The following VPS13D variants were observed in gnomAD, a reference collection of about 807,000 sequenced individuals.
VPS13D encodes vacuolar protein sorting 13 homolog D.
VPS13D carries 187 observed loss-of-function variants against 461.9 expected under a neutral mutation model. That is an observed-to-expected ratio of 0.40 (90% CI 0.36 to 0.46). The LOEUF (loss-of-function observed/expected upper bound fraction) is 0.46. Among genes scored for constraint, VPS13D ranks in the 20% least tolerant of loss-of-function variants. The pLI, the probability that VPS13D is intolerant of heterozygous loss-of-function variation, is 0.60. For missense variants in VPS13D, 4,711 were observed against 5,364.9 expected, an observed-to-expected ratio of 0.88 and a Z score of 3.81; for synonymous variants, 1,951 against 1,986.3, an observed-to-expected ratio of 0.98 and a Z score of 0.47.
intron 64 of VPS13D, 118 bp downstream of exon 64, chr1:12,415,339 T>G (rs1644780246): frequency 2.3e-5 from 31 of 1,363,074 alleles, no homozygotes; most frequent in African/African-American, 2.9e-5. Flanking sequence ...ATTTCAACTC[T>G]GTTGTGTTAC....
rs1643348432 is a variant in VPS13D, at chr1:12,332,123, A to G, written c.8288-1103A>G. 1.3e-5 allele frequency among the ~76,000 whole-genome samples: 2 copies of G among 152,200 alleles called. 1 individual carries two copies. The highest frequency in any genetic ancestry group is 4.1e-4 in the South Asian group (2 of 4,830). ...ATTAGAACTATACATTACTACCACT[A>G]CTGTGTAAAACAATTTGGCATGACC... On this transcript the variant is annotated intron_variant, in intron 37 of 69. Coordinates refer to ENST00000620676, the MANE Select transcript of VPS13D (RefSeq NM_015378.4).
intron 67 of VPS13D, among the ~76,000 whole-genome samples, chr1:12,464,215 C>T (rs779191538): frequency 2.2e-4 from 33 of 152,282 alleles, no homozygotes; most frequent in Admixed American, 1.3e-4. Context: ...TTTTTCCCCA[C>T]TGTTTAGACA....
chr1:12,492,052 A>G (rs1645889890), intron 67 of VPS13D, among the ~76,000 whole-genome samples: 1 of 152,076 alleles, frequency 6.6e-6, no homozygotes, highest in African/African-American at 2.4e-5. Context: ...GATTTTGGCC[A>G]CCTCTTGTTC....
intron 65 of VPS13D, among the ~76,000 whole-genome samples, chr1:12,421,471 T>G: frequency 6.6e-6 from 1 of 152,218 alleles, no homozygotes. Context: ...TGCAAGACAC[T>G]CTAACATCTT....
intron 67 of VPS13D, among the ~76,000 whole-genome samples, chr1:12,491,342 C>T (rs1161183862): frequency 6.6e-6 from 1 of 152,162 alleles, no homozygotes; most frequent in Non-Finnish European, 1.5e-5. Flanking sequence ...TTGGCCATGA[C>T]AGACTTCTCA....
At chr1:12,292,304 G>A (rs1642156019) in intron 23 of VPS13D, among the ~76,000 whole-genome samples, 2 of 145,184 alleles carry the variant, frequency 1.4e-5, no homozygotes, top group Admixed American at 7.0e-5. Flanking sequence ...TCAGAAAATA[G>A]GGAGTATAAA....
chr1:12,323,967 G>A (rs1643112492), intron 35 of VPS13D, among the ~76,000 whole-genome samples, 187 bp downstream of exon 35: 1 of 152,106 alleles, frequency 6.6e-6, no homozygotes, highest in African/African-American at 2.4e-5. Context: ...GGAGTGCAGT[G>A]GCGCCACCTC....
At chr1:12,315,615 C>A (rs551564551) in intron 30 of VPS13D, among the ~76,000 whole-genome samples, 5 of 152,094 alleles carry the variant, frequency 3.3e-5, no homozygotes, top group Non-Finnish European at 4.4e-5. Flanking sequence ...TCACACAGCT[C>A]GTAGGTCAAG....
At chr1:12,372,792 T>C (rs946336796) in intron 54 of VPS13D, among the ~76,000 whole-genome samples, 3 of 149,892 alleles carry the variant, frequency 2.0e-5, no homozygotes, top group Non-Finnish European at 3.0e-5. Context: ...GCTGAATTAA[T>C]CCATTACCTT....
At chr1:12,295,972 A>G (rs1642264459) in intron 24 of VPS13D, among the ~76,000 whole-genome samples, 1 of 152,164 alleles carries the variant, frequency 6.6e-6, no homozygotes, top group Non-Finnish European at 1.5e-5. Flanking sequence ...ATGTTCCTTG[A>G]CTTGCTTTTC....
intron 67 of VPS13D, among the ~76,000 whole-genome samples, chr1:12,467,085 C>T (rs1266131167): frequency 1.3e-5 from 2 of 152,198 alleles, no homozygotes; most frequent in Admixed American, 1.3e-4. Flanking sequence ...GTGAGCAACC[C>T]CAGAAGAACA....
chr1:12,329,654 C>T, intron 36 of VPS13D, among the ~76,000 whole-genome samples, 175 bp from the exon 37 acceptor site: 1 of 152,206 alleles, frequency 6.6e-6, no homozygotes, highest in East Asian at 1.9e-4. Flanking sequence ...TAAATAATAT[C>T]TCAGTGCCAT....
chr1:12,382,844 G>T, intron 57 of VPS13D, 132 bp from the exon 58 acceptor site: 3 of 738,538 alleles, frequency 4.1e-6, no homozygotes, highest in Non-Finnish European at 6.6e-6. Flanking sequence ...AATAGTAAAG[G>T]CTTTGTTGCA....
rs371819350 is a variant in VPS13D, at chr1:12,483,570, ATC to A, written c.12663-13928_12663-13927del. ...CAGTTTGTCATCCATGTAAGTACAT[ATC>A]TTTCTTCCAGATATTAACAAAGTTT... is the stretch of plus-strand genomic sequence containing the variant. On this transcript the variant is annotated intron_variant, in intron 67 of 69. Transcript: ENST00000620676. Among the ~76,000 whole-genome samples, 241 of 152,238 alleles carry A rather than the reference ATC, an allele frequency of 1.6e-3. 4 individuals are homozygous for A. The highest frequency in any genetic ancestry group is 5.6e-3 in the African/African-American group (234 of 41,534).
rs377449730 is a variant in VPS13D, at chr1:12,276,684, G to A, written c.3096G>A (p.Thr1032=). The A allele has an allele frequency of 1.9e-5, 31 of 1,613,988 alleles. No individual in the cohort carries two copies. The highest frequency in any genetic ancestry group is 5.5e-5 in the South Asian group (5 of 91,090). The change falls in exon 19 of 70, where the codon ACG becomes ACA. Residue 1032 remains threonine, a synonymous_variant. Coordinates refer to ENST00000620676, the MANE Select transcript of VPS13D (RefSeq NM_015378.4). The surrounding 1 kb of genome is among the most constrained non-coding windows in gnomAD (Gnocchi z 4.5). ...SHKNLSFDIP[T]GSLRDSRAQS... is the part of the protein sequence containing the mutation. ...AGAACTTGAGCTTTGATATTCCAAC[G>A]GGAAGCCTTCGGGATAGCAGGGCCC...
chr1:12,286,047 C>CTTCCT (rs576395750), intron 21 of VPS13D, among the ~76,000 whole-genome samples: 1,701 of 144,814 alleles, frequency 0.012, 20 homozygotes, highest in Middle Eastern at 0.032. Flanking sequence ...CCTCCCTTCC[C>CTTCCT]TTCCTTTCCT....
intron 22 of VPS13D, among the ~76,000 whole-genome samples, chr1:12,289,692 G>T (rs1017241948): frequency 2.0e-5 from 3 of 151,528 alleles, no homozygotes; most frequent in Non-Finnish European, 2.9e-5. Flanking sequence ...GGTGGCTCAC[G>T]CCTGTAATCC....
chr1:12,258,180 G>T (rs1437422381), intron 10 of VPS13D, 77 bp downstream of exon 10: 68 of 1,546,878 alleles, frequency 4.4e-5, no homozygotes, highest in Non-Finnish European at 2.4e-5. Flanking sequence ...AAGAAAATGG[G>T]ATCTGTGAAG....
In VPS13D at chr1:12,379,477, C is replaced by G. The variant is rs1345993646; in HGVS notation, c.11082-11C>G. The G allele has an allele frequency of 6.2e-7, 1 of 1,610,794 alleles. No homozygotes were observed. Among genetic ancestry groups the G allele is most frequent in the Non-Finnish European group, 8.5e-7 (1 of 1,178,256 alleles). ...GAGGTTTCATGGTTCATTGTGTATT[C>G]CGTTTTCCAGATACGAGCCACTGAT... On this transcript the variant is annotated splice_polypyrimidine_tract_variant and intron_variant, in intron 56 of 69. Coordinates refer to ENST00000620676, the MANE Select transcript of VPS13D (RefSeq NM_015378.4).
Sources: allele counts gnomAD v4.1 joint callset (sites outside exome capture counted in the v4.1 genomes callset), GRCh38; gene constraint gnomAD v4.1.1; non-coding constraint Gnocchi (gnomAD v3.1); transcripts MANE v1.5; gene names NCBI Gene and HGNC (gene_info 2026-07-23, HGNC 2026-07-21).